Variants in TMEM132D observed in about 807,000 individuals in gnomAD.
TMEM132D encodes the protein mature OL transmembrane protein.
A neutral mutation model predicts 62.3 loss-of-function variants in TMEM132D; 21 were observed. That is an observed-to-expected ratio of 0.34 (90% CI 0.24 to 0.49). The LOEUF is 0.49. TMEM132D is among the 20% of genes least tolerant of loss of function. TMEM132D has a pLI of 0.99. For synonymous variants in TMEM132D, 621 were observed against 575.6 expected (o/e 1.08, Z -1.13); for missense variants, 1,346 against 1,402.8 (o/e 0.96, Z 0.65).
intron 8 of TMEM132D, among the ~76,000 whole-genome samples, chr12:129,075,422 T>C (rs1222302999): frequency 1.3e-5 from 2 of 151,708 alleles, no homozygotes; most frequent in African/African-American, 2.4e-5. Context: ...ACAAAGGAAA[T>C]TACTGGTTAG....
chr12:129,390,717 A>T (rs1192271824), intron 3 of TMEM132D, among the ~76,000 whole-genome samples: 1 of 151,986 alleles, frequency 6.6e-6, no homozygotes, highest in Non-Finnish European at 1.5e-5. Context: ...TGACTCTGGG[A>T]CCACTCGCTC....
intron 5 of TMEM132D, among the ~76,000 whole-genome samples, chr12:129,128,422 C>T (rs928018772): frequency 7.9e-5 from 12 of 152,242 alleles, no homozygotes; most frequent in African/African-American, 1.7e-4. Flanking sequence ...GCATCTTACA[C>T]GGTGGCAGGA....
At chr12:129,800,277 T>C (rs190209725) in intron 1 of TMEM132D, among the ~76,000 whole-genome samples, 19 of 152,044 alleles carry the variant, frequency 1.2e-4, no homozygotes, top group African/African-American at 4.6e-4. Flanking sequence ...CAGGGTATAT[T>C]CAGAACCAAA....
chr12:129,776,944 C>G (rs911442059), intron 1 of TMEM132D, among the ~76,000 whole-genome samples: 11 of 152,160 alleles, frequency 7.2e-5, no homozygotes, highest in African/African-American at 2.7e-4. Flanking sequence ...TGAATAGCGT[C>G]ATTTCCAACA....
chr12:129,842,787 T>C (rs1486210959), intron 1 of TMEM132D, among the ~76,000 whole-genome samples: 2 of 152,190 alleles, frequency 1.3e-5, no homozygotes, highest in African/African-American at 4.8e-5. Flanking sequence ...GTATCTTTAA[T>C]TTCCCCAGCA....
intron 4 of TMEM132D, among the ~76,000 whole-genome samples, chr12:129,320,259 TGATA>T (rs1243162525): frequency 6.6e-6 from 1 of 152,210 alleles, no homozygotes; most frequent in Admixed American, 6.5e-5. Context: ...AAACTGAGAC[TGATA>T]GACAATTTAA....
chr12:129,651,091 T>G (rs1879915987), intron 2 of TMEM132D, among the ~76,000 whole-genome samples: 1 of 152,166 alleles, frequency 6.6e-6, no homozygotes, highest in African/African-American at 2.4e-5. Flanking sequence ...TTTGACTAGT[T>G]GCTGTATTCC....
At chr12:129,825,011 C>CT (rs35111989) in intron 1 of TMEM132D, among the ~76,000 whole-genome samples, 13,152 of 126,090 alleles carry the variant, frequency 0.1, 805 homozygotes, top group African/African-American at 0.21. Flanking sequence ...GATGGGCAGT[C>CT]TTTTTTTTTT....
chr12:129,790,781 G>C (rs1871382138), intron 1 of TMEM132D, among the ~76,000 whole-genome samples: 2 of 152,192 alleles, frequency 1.3e-5, no homozygotes, highest in African/African-American at 4.8e-5. Flanking sequence ...GAATTTCCCT[G>C]CCTCCTGTCC....
intron 1 of TMEM132D, among the ~76,000 whole-genome samples, chr12:129,776,206 T>C (rs1870916232): frequency 6.6e-6 from 1 of 152,088 alleles, no homozygotes; most frequent in African/African-American, 2.4e-5. Flanking sequence ...TGCTGGAACC[T>C]CATCCATGAT....
chr12:129,565,536 T>C (rs962911813), intron 2 of TMEM132D, among the ~76,000 whole-genome samples: 3 of 152,228 alleles, frequency 2.0e-5, no homozygotes, highest in Admixed American at 2.0e-4. Context: ...CATTATGCCC[T>C]GAACTAGTTT....
intron 4 of TMEM132D, among the ~76,000 whole-genome samples, chr12:129,315,450 T>G (rs904302072): frequency 2.6e-5 from 4 of 152,224 alleles, no homozygotes; most frequent in Admixed American, 2.6e-4. Context: ...TCACATTTAT[T>G]GACTCACATG....
chr12:129,594,718 A>G (rs544456096), intron 2 of TMEM132D, among the ~76,000 whole-genome samples: 18 of 152,264 alleles, frequency 1.2e-4, no homozygotes, highest in African/African-American at 3.6e-4. Flanking sequence ...CTGATGTTTC[A>G]CATTTGCTAT....
At chr12:129,184,743 T>G (rs1408994693) in intron 5 of TMEM132D, among the ~76,000 whole-genome samples, 2 of 152,188 alleles carry the variant, frequency 1.3e-5, no homozygotes, top group Non-Finnish European at 2.9e-5. Flanking sequence ...TTAATCTAGT[T>G]GAGGTGCTGA....
intron 3 of TMEM132D, among the ~76,000 whole-genome samples, chr12:129,357,823 C>A (rs145874271): frequency 1.4e-4 from 22 of 152,264 alleles, no homozygotes; most frequent in African/African-American, 5.1e-4. Context: ...TCAGACATAC[C>A]CATAGGCTAC....
At position 129,374,023 on chromosome 12, in the gene TMEM132D, G is replaced by T. The variant is rs568588935; in HGVS notation, c.1116-36206C>A. Among the ~76,000 whole-genome samples the T allele has an allele frequency of 4.6e-5, 7 of 152,216 alleles. No individual in the cohort carries two copies. The South Asian group carries it at 1.0e-3, about 23-fold the overall frequency. Reference sequence around the variant, plus strand: ...ATATCAACATAATACATAAATGAAAGAAATAAAGAATAAAAAGGAATGTGT... The same window carrying T: ...ATATCAACATAATACATAAATGAAATAAATAAAGAATAAAAAGGAATGTGT... On this transcript the variant is annotated intron_variant, in intron 3 of 8. Transcript: ENST00000422113.
intron 1 of TMEM132D, among the ~76,000 whole-genome samples, chr12:129,775,427 G>A (rs1484339366): frequency 6.6e-6 from 1 of 152,176 alleles, no homozygotes; most frequent in East Asian, 1.9e-4. Context: ...CACCAGCACT[G>A]TGCAGAGGCC....
chr12:129,882,026 G>A (rs1454723255), intron 1 of TMEM132D, among the ~76,000 whole-genome samples: 1 of 151,816 alleles, frequency 6.6e-6, no homozygotes, highest in Non-Finnish European at 1.5e-5. Flanking sequence ...TGACAATGTA[G>A]ATAAAATGAA....
chr12:129,364,578 G>C (rs1196394602), intron 3 of TMEM132D, among the ~76,000 whole-genome samples: 1 of 152,220 alleles, frequency 6.6e-6, no homozygotes, highest in Non-Finnish European at 1.5e-5. Context: ...GGGGGCTAAG[G>C]TGATGTTAAC....
Sources: allele counts gnomAD v4.1 joint callset (sites outside exome capture counted in the v4.1 genomes callset), GRCh38; gene constraint gnomAD v4.1.1; transcripts MANE v1.5; gene names NCBI Gene and HGNC (gene_info 2026-07-23, HGNC 2026-07-21).